RAB4B: variants seen among roughly 807,000 people sequenced by gnomAD.
The protein encoded by RAB4B is ras-related protein Rab-4B.
A neutral mutation model predicts 28.3 loss-of-function variants in RAB4B; 15 were observed. The ratio of observed to expected loss-of-function variants is 0.53; its 90% CI spans 0.35 to 0.82. The LOEUF is 0.82. Ranked by LOEUF, RAB4B falls within the 40% of genes least tolerant of loss-of-function variation. RAB4B has a pLI of 0.01. For synonymous variants in RAB4B, 108 were observed against 116.3 expected, an observed-to-expected ratio of 0.93 and a Z score of 0.46; for missense variants, 244 against 288.5, an observed-to-expected ratio of 0.85 and a Z score of 1.12.
At chr19:40,789,191 CG>C (rs1288621155) in intron 7 of RAB4B, among the ~76,000 whole-genome samples, 1 of 151,560 alleles carries the variant, frequency 6.6e-6, no homozygotes, top group Non-Finnish European at 1.5e-5. Flanking sequence ...CCACTGCGCC[CG>C]GCCAAGAATG....
intron 5 of RAB4B, among the ~76,000 whole-genome samples, chr19:40,784,902 G>A (rs940717065): frequency 1.3e-5 from 2 of 150,170 alleles, no homozygotes; most frequent in Non-Finnish European, 3.0e-5. Flanking sequence ...GTATAGTGGC[G>A]CAATCTCGGC....
chr19:40,779,699 C>T (rs1298476604), intron 1 of RAB4B: 13 of 323,378 alleles, frequency 4.0e-5, no homozygotes, highest in East Asian at 9.2e-5. Context: ...GCCGAGATCG[C>T]GCCATTGCAC....
chr19:40,780,674 T>G (rs535051038), intron 3 of RAB4B, among the ~76,000 whole-genome samples, 175 bp downstream of exon 3: 1 of 151,190 alleles, frequency 6.6e-6, no homozygotes, highest in African/African-American at 2.4e-5. Flanking sequence ...ACTGGAGAGA[T>G]AAAGAGATGG....
chr19:40,789,833 C>T (rs909297715), intron 7 of RAB4B, among the ~76,000 whole-genome samples: 1 of 152,190 alleles, frequency 6.6e-6, no homozygotes, highest in African/African-American at 2.4e-5. Flanking sequence ...AGGAGGGAAG[C>T]CTCGCTGAGA....
chr19:40,786,341 T>G, intron 5 of RAB4B: 6 of 345,802 alleles, frequency 1.7e-5, no homozygotes, highest in East Asian at 7.7e-5. Context: ...GGGGCCAGGA[T>G]GAGGAAGCAC....
rs1175527269 is a variant in RAB4B at position 40,780,088 on chromosome 19, T to C, written c.86T>C (p.Ile29Thr). 4.3e-6 allele frequency: 7 copies of C among 1,612,512 alleles called. No homozygotes were observed. Among genetic ancestry groups the C allele is most frequent in the South Asian group, 1.1e-5 (1 of 91,040 alleles). Residue 29 changes from isoleucine to threonine, a missense_variant, in exon 2 of 8, where the codon ATT becomes ACT. Coordinates refer to ENST00000357052, the MANE Select transcript of RAB4B (RefSeq NM_016154.5). Reference protein sequence around the residue: ...TGKSCLLHQFIENKFKQDSNH... With the variant: ...TGKSCLLHQFTENKFKQDSNH... ...AAATCATGTCTCCTTCATCAGTTCA[T>C]TGAGAATAAGTGTGAGTTTCCCGCA...
At chr19:40,796,354 C>T (rs2083209782) in intron 7 of RAB4B, 1 of 152,236 alleles carries the variant, frequency 6.6e-6, no homozygotes, top group Non-Finnish European at 1.5e-5. Context: ...AGACAGCTCT[C>T]TGAGGCAAAC....
chr19:40,791,736 A>G (rs2083161762), intron 7 of RAB4B, among the ~76,000 whole-genome samples: 1 of 151,906 alleles, frequency 6.6e-6, no homozygotes. Flanking sequence ...AGGTTCAAGC[A>G]ATTCTGGTGC....
chr19:40,779,878 C>G, intron 1 of RAB4B, 141 bp from the exon 2 acceptor site: 1 of 1,534,720 alleles, frequency 6.5e-7, no homozygotes, highest in Non-Finnish European at 8.8e-7. Flanking sequence ...TTACTGTTAC[C>G]TATTGGTTTG....
In RAB4B at chr19:40,781,957, C is replaced by A. The variant is rs556794344; in HGVS notation, c.212+1458C>A. Among the ~76,000 whole-genome samples, 17 of 146,088 alleles carry A rather than the reference C, an allele frequency of 1.2e-4. No homozygotes were observed. The South Asian group carries it at 3.4e-3, about 29-fold the overall frequency. Reference sequence around the variant, plus strand: ...AATGGCATGAACCCAGAAGGCGGAGCTTGCAGTGAGCCCAGATCGCGCCAC... The same window carrying A: ...AATGGCATGAACCCAGAAGGCGGAGATTGCAGTGAGCCCAGATCGCGCCAC... On this transcript the variant is annotated intron_variant, in intron 3 of 7. Transcript: ENST00000357052.
At position 40,786,756 on chromosome 19, in the gene RAB4B, C is replaced by T; in HGVS notation, c.522C>T (p.Asp174=). ...KCARTILNKI[D]SGELDPERMG... The stretch of plus-strand genomic sequence containing the variant: ...CCCGCACTATCCTCAACAAGATTGA[C>T]TCAGGTGAGGCCCCGACCGGCCCGA... The change falls in exon 6 of 8, where the codon GAC becomes GAT. Residue 174 remains aspartate, a synonymous_variant. Coordinates refer to ENST00000357052, the MANE Select transcript of RAB4B (RefSeq NM_016154.5). 6.2e-7 allele frequency: 1 copy of T among 1,614,160 alleles called. No individual in the cohort carries two copies. Among genetic ancestry groups the T allele is most frequent in the Non-Finnish European group, 8.5e-7 (1 of 1,180,006 alleles).
chr19:40,789,283 A>T (rs1167285976), intron 7 of RAB4B, among the ~76,000 whole-genome samples: 1 of 151,256 alleles, frequency 6.6e-6, no homozygotes, highest in Non-Finnish European at 1.5e-5. Flanking sequence ...GCTCACCGCA[A>T]CCTCTGCCTC....
chr19:40,781,220 G>A (rs948403732), intron 3 of RAB4B, among the ~76,000 whole-genome samples: 3 of 151,242 alleles, frequency 2.0e-5, no homozygotes, highest in Admixed American at 6.6e-5. Flanking sequence ...CTGGGAGGCA[G>A]AAGTTGTAGT....
chr19:40,788,784 CTTTTTTTTTT>C (rs1173685187), intron 7 of RAB4B, among the ~76,000 whole-genome samples: 2 of 84,232 alleles, frequency 2.4e-5, no homozygotes, highest in South Asian at 4.0e-4. Flanking sequence ...GACAGGGTTT[CTTTTTTTTTT>C]TTTTTTTTTT....
At chr19:40,778,940 A>T (rs1380639974) in intron 1 of RAB4B, 1 of 985,992 alleles carries the variant, frequency 1.0e-6, no homozygotes, top group Non-Finnish European at 1.2e-6. Context: ...ATCAGTAGGG[A>T]TGCACCATAG....
At chr19:40,787,961 CAA>C (rs56997006) in intron 7 of RAB4B, among the ~76,000 whole-genome samples, 2 of 69,466 alleles carry the variant, frequency 2.9e-5, no homozygotes, top group East Asian at 4.9e-4. Context: ...GACTCTGTCT[CAA>C]AAAAAAAAAA....
At chr19:40,791,756 C>T (rs754832564) in intron 7 of RAB4B, among the ~76,000 whole-genome samples, 81 of 152,226 alleles carry the variant, frequency 5.3e-4, no homozygotes, top group Non-Finnish European at 1.1e-3. Flanking sequence ...CCCCAGCCTC[C>T]TGAGTAGCTG....
intron 7 of RAB4B, among the ~76,000 whole-genome samples, chr19:40,793,068 C>T (rs868621115): frequency 4.0e-5 from 6 of 151,534 alleles, no homozygotes; most frequent in Middle Eastern, 3.2e-3. Context: ...TGAGCCACTG[C>T]GCCCGGCCTC....
intron 7 of RAB4B, among the ~76,000 whole-genome samples, chr19:40,793,387 A>G (rs1402512755): frequency 6.6e-6 from 1 of 151,594 alleles, no homozygotes; most frequent in African/African-American, 2.4e-5. Context: ...GGTGTGCACC[A>G]CCACGCCCAG....
Sources: gnomAD v4.1 joint callset for allele counts (sites outside exome capture counted in the v4.1 genomes callset) on GRCh38, gnomAD v4.1.1 for gene constraint, MANE v1.5 for transcripts, NCBI Gene and HGNC (gene_info 2026-07-23, HGNC 2026-07-21) for gene names.